The following PLEKHA6 variants were observed in gnomAD, a reference collection of about 807,000 sequenced individuals.
PLEKHA6 encodes pleckstrin homology domain-containing family A member 6.
Under a neutral mutation model 116.7 loss-of-function variants are expected in PLEKHA6, and 60 were observed. The observed-to-expected ratio is 0.51, with a 90% CI of 0.42 to 0.64. The LOEUF (loss-of-function observed/expected upper bound fraction) is 0.64, where lower values mean the gene tolerates loss of function less well. Among genes scored for constraint, PLEKHA6 ranks in the 30% least tolerant of loss-of-function variants. The pLI, the probability that PLEKHA6 is intolerant of heterozygous loss-of-function variation, is 0.00. For missense variants in PLEKHA6, 1,338 were observed against 1,422.7 expected (o/e 0.94, Z 0.96); for synonymous variants, 489 against 556.1 (o/e 0.88, Z 1.70).
intron 1 of PLEKHA6, among the ~76,000 whole-genome samples, chr1:204,285,058 G>A (rs1214812338): frequency 6.6e-6 from 1 of 152,162 alleles, no homozygotes; most frequent in African/African-American, 2.4e-5. Flanking sequence ...TCAGTTCCTA[G>A]TTACACTAGC....
intron 1 of PLEKHA6, among the ~76,000 whole-genome samples, chr1:204,315,386 G>A (rs1414513848): frequency 2.0e-5 from 3 of 152,142 alleles, no homozygotes; most frequent in Admixed American, 6.5e-5. Context: ...CCATGTGTAA[G>A]TTTTCTAGTT....
Position 204,238,105 on chromosome 1 carries a change from AT to A in PLEKHA6, c.2409+3269del, listed in dbSNP as rs1357963793. Among the ~76,000 whole-genome samples the A allele has an allele frequency of 4.6e-5, 7 of 152,186 alleles. No homozygotes were observed. Among genetic ancestry groups the A allele is most frequent in the Admixed American group, 2.0e-4 (3 of 15,280 alleles). ...CCTATTTGGAATTTGGAAGCAACAT[AT>A]TCCTCATTTGGTGTGTTGCTCTGGC... is the stretch of plus-strand genomic sequence containing the variant. On this transcript the variant is annotated intron_variant, in intron 17 of 22. Coordinates refer to ENST00000272203, the MANE Select transcript of PLEKHA6 (RefSeq NM_014935.5). This position sits in a 1 kb window ranked among gnomAD's most constrained non-coding sequence, Gnocchi z 4.2.
At chr1:204,260,109 C>T (rs1348996961) in intron 7 of PLEKHA6, among the ~76,000 whole-genome samples, 5 of 152,210 alleles carry the variant, frequency 3.3e-5, no homozygotes, top group Non-Finnish European at 5.9e-5. Context: ...ATCCCTGACC[C>T]AGCTCCCCAA....
upstream of PLEKHA6, among the ~76,000 whole-genome samples, chr1:204,364,830 C>T (rs1385058003): frequency 6.6e-6 from 1 of 152,190 alleles, no homozygotes; most frequent in Non-Finnish European, 1.5e-5. Context: ...ATCCGAAACT[C>T]TAGGGGTAGG....
At chr1:204,357,757 C>T (rs1443322315) in intron 1 of PLEKHA6, among the ~76,000 whole-genome samples, 1 of 152,246 alleles carries the variant, frequency 6.6e-6, no homozygotes, top group Non-Finnish European at 1.5e-5. Flanking sequence ...GTTGACACCA[C>T]GCTCCCATCT....
intron 6 of PLEKHA6, among the ~76,000 whole-genome samples, chr1:204,263,321 G>A (rs1666370832): frequency 1.3e-5 from 2 of 152,344 alleles, no homozygotes; most frequent in South Asian, 2.1e-4. Flanking sequence ...AGCCTCTGTG[G>A]GGCCAGAGTT....
Position 204,295,337 on chromosome 1 carries a change from A to T in PLEKHA6, c.-94-20528T>A, listed in dbSNP as rs139128378. Among the ~76,000 whole-genome samples, 1,213 of 152,144 alleles carry T rather than the reference A, an allele frequency of 8.0e-3. 12 individuals are homozygous for T. The highest frequency in any genetic ancestry group is 0.027 in the African/African-American group (1,127 of 41,490). ...AAACCCTGTTTCTACTAAAAATACA[A>T]AAAGTAACCAGGTGTGGTGGCACAC... On this transcript the variant is annotated intron_variant, in intron 1 of 22. Transcript: ENST00000272203.
chr1:204,371,807 A>G (rs1366546256), intron 1 of PLEKHA6, among the ~76,000 whole-genome samples: 1 of 152,268 alleles, frequency 6.6e-6, no homozygotes, highest in East Asian at 1.9e-4. Flanking sequence ...AATAATATCG[A>G]ATCCCTAACC....
intron 3 of PLEKHA6, among the ~76,000 whole-genome samples, chr1:204,268,568 G>C (rs922064021): frequency 7.1e-6 from 1 of 140,106 alleles, no homozygotes; most frequent in Admixed American, 7.6e-5. Flanking sequence ...AGTCCTCCCT[G>C]TCTCACAGCC....
chr1:204,375,596 TCTC>T (rs1380519950), intron 1 of PLEKHA6, among the ~76,000 whole-genome samples: 2 of 152,068 alleles, frequency 1.3e-5, no homozygotes, highest in South Asian at 2.1e-4. Flanking sequence ...ACCTTAAGTT[TCTC>T]CTCCTGCCTC....
chr1:204,265,030 T>C lies in PLEKHA6; in HGVS notation c.293A>G (p.Glu98Gly), dbSNP rs761786769. The C allele has an allele frequency of 6.2e-7, 1 of 1,613,352 alleles. No homozygotes were observed. The highest frequency in any genetic ancestry group is 1.1e-5 in the South Asian group (1 of 91,062). The change falls in exon 6 of 23, where the codon GAG (glutamate) becomes GGG (glycine). Residue 98 changes from glutamate (E) to glycine (G), a missense_variant. By Grantham distance (98) the Glu-to-Gly change is moderately conservative. This residue lies in a region of PLEKHA6 where 140 missense variants were observed against 197.4 expected (regional missense o/e 0.71). Coordinates refer to ENST00000272203, the MANE Select transcript of PLEKHA6 (RefSeq NM_014935.5). ...CLFYYKDEKE[E>G]SILGSIPLLS... is the part of the protein sequence containing the mutation. ...GAGGGGGATGCTGCCCAGGATACTC[T>C]CTTCCTTCTCATCTGTCAGGGAGAG...
At chr1:204,250,344 G>A (rs1167120871) in intron 10 of PLEKHA6, among the ~76,000 whole-genome samples, 1 of 144,528 alleles carries the variant, frequency 6.9e-6, no homozygotes, top group African/African-American at 2.4e-5. Flanking sequence ...CAGAAAAGAA[G>A]GGGGATGAGG....
intron 2 of PLEKHA6, among the ~76,000 whole-genome samples, chr1:204,370,457 C>G (rs551922850): frequency 1.3e-5 from 2 of 152,262 alleles, no homozygotes; most frequent in Non-Finnish European, 2.9e-5. Flanking sequence ...ACCCACACCC[C>G]CTCTTACTGG....
intron 1 of PLEKHA6, among the ~76,000 whole-genome samples, chr1:204,329,274 C>T (rs1384564374): frequency 6.6e-6 from 1 of 152,192 alleles, no homozygotes; most frequent in Non-Finnish European, 1.5e-5. Flanking sequence ...ATGCAAAGGA[C>T]TCTTTCCAGG....
chr1:204,257,658 G>C lies in PLEKHA6; in HGVS notation c.1219C>G (p.Arg407Gly). The C allele has an allele frequency of 6.2e-7, 1 of 1,609,868 alleles. No homozygotes were observed. Among genetic ancestry groups the C allele is most frequent in the Non-Finnish European group, 8.5e-7 (1 of 1,178,214 alleles). The change falls in exon 9 of 23, where the codon CGA becomes GGA. Residue 407 changes from arginine (R) to glycine (G), a missense_variant. Arg to Gly is a moderately radical substitution (Grantham distance 125). This residue lies in a region of PLEKHA6 where 1,136 missense variants were observed against 1,163.6 expected (regional missense o/e 0.98). Coordinates refer to ENST00000272203, the MANE Select transcript of PLEKHA6 (RefSeq NM_014935.5). This position sits in a 1 kb window ranked among gnomAD's most constrained non-coding sequence, Gnocchi z 6.5. ...TAGCTGGCGGGCTCCTTCCACTCTCGCAGCTGGTAGGCAGGGCCACCCCCA... is the reference window on the plus strand; with the variant it reads ...TAGCTGGCGGGCTCCTTCCACTCTCCCAGCTGGTAGGCAGGGCCACCCCCA... ...RNGGGPAYQLREWKEPASYGR... is the reference protein window; with the variant it reads ...RNGGGPAYQLGEWKEPASYGR...
At chr1:204,342,846 A>T (rs1672895080) in intron 1 of PLEKHA6, among the ~76,000 whole-genome samples, 1 of 152,262 alleles carries the variant, frequency 6.6e-6, no homozygotes, top group African/African-American at 2.4e-5. Context: ...AAAGAAGAAT[A>T]AAAGAGACCC....
chr1:204,346,713 C>T (rs981742696), intron 1 of PLEKHA6: 10 of 756,580 alleles, frequency 1.3e-5, no homozygotes, highest in Non-Finnish European at 2.4e-5. Context: ...CAGGGATGTT[C>T]CTTGCTGAGA....
chr1:204,280,338 G>A, intron 1 of PLEKHA6: 3 of 985,394 alleles, frequency 3.0e-6, no homozygotes, highest in Non-Finnish European at 3.6e-6. Context: ...TCTTTTGCAG[G>A]CATGTATGTT....
chr1:204,247,484 T>G (rs1376621540), intron 12 of PLEKHA6, 24 bp from the exon 13 acceptor site: 2 of 1,496,422 alleles, frequency 1.3e-6, no homozygotes, highest in Non-Finnish European at 1.9e-6. Flanking sequence ...AGGCGTTCAC[T>G]GAGAAAGCCG....
Sources: allele counts gnomAD v4.1 joint callset (sites outside exome capture counted in the v4.1 genomes callset), GRCh38; gene constraint gnomAD v4.1.1; regional missense constraint gnomAD v4.1.1; non-coding constraint Gnocchi (gnomAD v3.1); transcripts MANE v1.5; gene names NCBI Gene and HGNC (gene_info 2026-07-23, HGNC 2026-07-21).